Variants in GALNT2 observed in about 807,000 individuals in gnomAD.
GALNT2 encodes the protein polypeptide N-acetylgalactosaminyltransferase 2, also known as UDP-GalNAc:polypeptide N-acetylgalactosaminyltransferase 2.
GALNT2 carries 31 observed loss-of-function variants against 81.4 expected under a neutral mutation model. The observed-to-expected ratio is 0.38, with a 90% CI of 0.29 to 0.51. GALNT2 has a LOEUF of 0.51. Among genes scored for constraint, GALNT2 ranks in the 20% least tolerant of loss-of-function variants. The probability of loss-of-function intolerance (pLI) is 0.87; values close to 1 mark genes in which losing one functional copy is unlikely to be tolerated. For synonymous variants in GALNT2, 303 were observed against 287.4 expected, an observed-to-expected ratio of 1.05 and a Z score of -0.55; for missense variants, 629 against 765.7, an observed-to-expected ratio of 0.82 and a Z score of 2.11.
In GALNT2 at chr1:230,281,303, ATGTGT is replaced by A. The variant is rs1429497143; in HGVS notation, c.*1850_*1854del. ...CCCGCCTCCCCTGCCATGCAACCAG[ATGTGT>A]TGTGAGTGGGCAGCGTGCCCCCACG... On this transcript the variant is annotated 3_prime_UTR_variant, in exon 16 of 16. Transcript: ENST00000366672. 1.3e-5 allele frequency: 2 copies of A among 150,778 alleles called. No homozygotes were observed. Among genetic ancestry groups the A allele is most frequent in the African/African-American group, 2.4e-5 (1 of 40,820 alleles). The allele number at this position is 150,778 out of a possible 1,614,324, so 9.3% of individuals were successfully genotyped here.
chr1:230,273,712 TG>T (rs1666211519), intron 14 of GALNT2, among the ~76,000 whole-genome samples: 1 of 152,184 alleles, frequency 6.6e-6, no homozygotes, highest in South Asian at 2.1e-4. Flanking sequence ...AACATCATGG[TG>T]TGTTATTTAA....
intron 3 of GALNT2, among the ~76,000 whole-genome samples, chr1:230,212,701 A>G (rs936206531): frequency 6.6e-6 from 1 of 152,162 alleles, no homozygotes; most frequent in East Asian, 1.9e-4. Flanking sequence ...TGTAACTTGC[A>G]TCTGATATGC....
intron 1 of GALNT2, among the ~76,000 whole-genome samples, chr1:230,102,075 A>G (rs1452694855): frequency 6.6e-6 from 1 of 152,234 alleles, no homozygotes; most frequent in Non-Finnish European, 1.5e-5. Flanking sequence ...GTGCAAAGAC[A>G]CATCTATCAG....
chr1:230,102,834 G>A (rs1350942269), intron 1 of GALNT2, among the ~76,000 whole-genome samples: 1 of 152,242 alleles, frequency 6.6e-6, no homozygotes, highest in Non-Finnish European at 1.5e-5. Context: ...TCCAGTAGTT[G>A]TGGCAGGGCA....
chr1:230,238,070 A>C (rs192404569), intron 6 of GALNT2, among the ~76,000 whole-genome samples: 12 of 152,222 alleles, frequency 7.9e-5, no homozygotes, highest in Non-Finnish European at 1.6e-4. Context: ...AAGCCAGATT[A>C]TGGAAAGCCT....
intron 1 of GALNT2, among the ~76,000 whole-genome samples, chr1:230,162,507 C>T (rs1221812031): frequency 6.6e-6 from 1 of 152,160 alleles, no homozygotes; most frequent in East Asian, 1.9e-4. Context: ...CTGCCAGTCT[C>T]CTTCTCCCCA....
rs1480752948 is a variant in GALNT2 at position 230,255,342 on chromosome 1, C to A, written c.1134C>A (p.Ala378=). The A allele has an allele frequency of 6.2e-7, 1 of 1,614,032 alleles. No homozygotes were observed. Among genetic ancestry groups the A allele is most frequent in the South Asian group, 1.1e-5 (1 of 91,078 alleles). Residue 378 remains alanine, a splice_region_variant and synonymous_variant, in exon 11 of 16, where the codon GCC becomes GCA. Transcript: ENST00000366672. ...CGGGTGGCAGTGGCACTGTCTTTGC[C>A]CGGTAAGTAGTGAAAGGCTGAGCGG... ...TFPGGSGTVF[A]RNTRRAAEVW...
At chr1:230,228,619 T>C (rs2102729484) in intron 3 of GALNT2, among the ~76,000 whole-genome samples, 1 of 152,242 alleles carries the variant, frequency 6.6e-6, no homozygotes, top group East Asian at 1.9e-4. Flanking sequence ...ATGGAACTTG[T>C]CTACATCCAT....
At chr1:230,182,429 C>G (rs148764098) in intron 2 of GALNT2, among the ~76,000 whole-genome samples, 115 of 152,228 alleles carry the variant, frequency 7.6e-4, no homozygotes, top group Non-Finnish European at 1.4e-3. Context: ...GTTTTGTTTT[C>G]ATTTTTATTT....
At chr1:230,150,599 G>A (rs954020900) in intron 1 of GALNT2, among the ~76,000 whole-genome samples, 2 of 152,208 alleles carry the variant, frequency 1.3e-5, no homozygotes, top group African/African-American at 4.8e-5. Context: ...CATCTCTTTG[G>A]TAGAGCATTT....
At chr1:230,255,655 G>A (rs189393782) in intron 11 of GALNT2, among the ~76,000 whole-genome samples, 70 of 152,266 alleles carry the variant, frequency 4.6e-4, no homozygotes, top group Middle Eastern at 6.8e-3. Flanking sequence ...GCAGGAAAGC[G>A]GGGAGTGTGA....
At chr1:230,142,847 C>G (rs931376455) in intron 1 of GALNT2, among the ~76,000 whole-genome samples, 1 of 152,124 alleles carries the variant, frequency 6.6e-6, no homozygotes, top group Admixed American at 6.5e-5. Context: ...TATAAATTAT[C>G]CTCCTTCTGT....
At chr1:230,262,771 G>A in intron 12 of GALNT2, 106 bp downstream of exon 12, 3 of 1,327,910 alleles carry the variant, frequency 2.3e-6, no homozygotes, top group Non-Finnish European at 3.2e-6. Context: ...CAGGTGCCAA[G>A]GCGGGAAGGG....
At chr1:230,248,372 G>A (rs554095039) in intron 8 of GALNT2, among the ~76,000 whole-genome samples, 1 of 152,340 alleles carries the variant, frequency 6.6e-6, no homozygotes, top group South Asian at 2.1e-4. Flanking sequence ...TGGAAATGCA[G>A]CACCATGAGC....
chr1:230,076,307 G>A (rs1363018269), intron 1 of GALNT2, among the ~76,000 whole-genome samples: 1 of 152,174 alleles, frequency 6.6e-6, no homozygotes, highest in Non-Finnish European at 1.5e-5. Context: ...TCATTGTTAG[G>A]TGCACCATTG....
intron 3 of GALNT2, among the ~76,000 whole-genome samples, chr1:230,231,687 A>G (rs984877880): frequency 1.3e-5 from 2 of 152,224 alleles, no homozygotes; most frequent in Non-Finnish European, 2.9e-5. Context: ...ACTGAAAGCC[A>G]TCTAATCTCA....
intron 1 of GALNT2, among the ~76,000 whole-genome samples, chr1:230,134,189 A>G (rs1185242643): frequency 6.6e-6 from 1 of 151,178 alleles, no homozygotes; most frequent in African/African-American, 2.4e-5. Context: ...GCTCACTGCA[A>G]GCTCTGCCTC....
At chr1:230,184,381 G>C (rs1180514663) in intron 2 of GALNT2, among the ~76,000 whole-genome samples, 1 of 151,882 alleles carries the variant, frequency 6.6e-6, no homozygotes, top group Non-Finnish European at 1.5e-5. Context: ...AGTAGAGATG[G>C]GGTTTCACCA....
intron 1 of GALNT2, among the ~76,000 whole-genome samples, chr1:230,112,800 T>TGGGGGGGGG (rs200649766): frequency 7.9e-5 from 6 of 76,098 alleles, no homozygotes; most frequent in South Asian, 3.7e-4. Context: ...GGCAGGGGGG[T>TGGGGGGGGG]GGGGGGGACC....
Sources: allele counts gnomAD v4.1 joint callset (sites outside exome capture counted in the v4.1 genomes callset), GRCh38; gene constraint gnomAD v4.1.1; transcripts MANE v1.5; gene names NCBI Gene and HGNC (gene_info 2026-07-23, HGNC 2026-07-21).